GOSR1: variants seen among roughly 807,000 people sequenced by gnomAD.
The protein encoded by GOSR1 is 28 kDa Golgi SNARE protein.
A neutral mutation model predicts 35.5 loss-of-function variants in GOSR1; 21 were observed. That is an observed-to-expected ratio of 0.59 (90% confidence interval 0.42 to 0.85). The LOEUF is 0.85. GOSR1 is among the 40% of genes least tolerant of loss of function. The probability of loss-of-function intolerance (pLI) is 0.00; values close to 1 mark genes in which losing one functional copy is unlikely to be tolerated. For missense variants in GOSR1, 285 were observed against 309.6 expected (o/e 0.92, Z 0.60); for synonymous variants, 94 against 106.6 (o/e 0.88, Z 0.73).
intron 8 of GOSR1, 72 bp downstream of exon 8, chr17:30,520,093 G>A: frequency 1.0e-6 from 1 of 952,380 alleles, no homozygotes. Context: ...TGCTTTTATA[G>A]GGGGCAGGTT....
chr17:30,499,990 T>TA (rs1354870312), intron 6 of GOSR1, among the ~76,000 whole-genome samples: 1 of 152,224 alleles, frequency 6.6e-6, no homozygotes, highest in Non-Finnish European at 1.5e-5. Context: ...TCTTCTTTAG[T>TA]AAGGGGGTCT....
At chr17:30,516,156 T>G (rs1967799580) in intron 7 of GOSR1, among the ~76,000 whole-genome samples, 1 of 151,568 alleles carries the variant, frequency 6.6e-6, no homozygotes, top group South Asian at 2.1e-4. Context: ...TTGTAACAAC[T>G]TAAATAATAC....
intron 7 of GOSR1, among the ~76,000 whole-genome samples, chr17:30,517,448 C>T (rs934950327): frequency 7.2e-5 from 11 of 152,068 alleles, no homozygotes; most frequent in Non-Finnish European, 8.8e-5. Flanking sequence ...CTGCACATTC[C>T]GTAGCTTGCT....
At chr17:30,520,214 C>T (rs1967974963) in intron 8 of GOSR1, 193 bp downstream of exon 8, 1 of 457,404 alleles carries the variant, frequency 2.2e-6, no homozygotes, top group South Asian at 5.8e-5. Context: ...AAAGACTGCA[C>T]CTCAGAAGTT....
chr17:30,505,025 C>G (rs949379085), intron 6 of GOSR1, among the ~76,000 whole-genome samples: 1 of 152,122 alleles, frequency 6.6e-6, no homozygotes, highest in African/African-American at 2.4e-5. Context: ...TAGGCTGATA[C>G]ATTGAGTTTA....
Position 30,522,595 on chromosome 17 carries a change from A to T in GOSR1, c.*217A>T. 2 of 204,394 alleles carry T rather than the reference A, an allele frequency of 9.8e-6. No homozygotes were observed. The highest frequency in any genetic ancestry group is 9.6e-5 in the East Asian group (1 of 10,428). The allele number at this position is 204,394 out of a possible 1,614,324, so 12.7% of individuals were successfully genotyped here. A position where few individuals can be genotyped will look rare whatever the true frequency, so the allele number is the denominator to read the frequency against. ...TAACACATTTTTCTGTTTTTAATTA[A>T]AAAAAAAAAAAAAAGGTTTTCAGTT... is the stretch of plus-strand genomic sequence containing the variant. On this transcript the variant is annotated 3_prime_UTR_variant, in exon 9 of 9. Coordinates refer to ENST00000451249, the MANE Select transcript of GOSR1 (RefSeq NM_001007025.2).
chr17:30,527,353 AATAAATTAATTTTTT>A lies in GOSR1; in HGVS notation c.*4977_*4991del, dbSNP rs1265339942. 3.3e-5 allele frequency: 5 copies of A among 152,176 alleles called. No individual in the cohort carries two copies. The highest frequency in any genetic ancestry group is 2.0e-4 in the Admixed American group (3 of 15,278). 9.4% of individuals were successfully genotyped at this position (152,176 alleles called of 1,614,324 possible). A position where few individuals can be genotyped will look rare whatever the true frequency, so the allele number is the denominator to read the frequency against. ...TGGGTGACAGAGACCCTGTCTCAAA[AATAAATTAATTTTTT>A]AAAAATCGTGTACTGCTGGGCTTTA... On this transcript the variant is annotated 3_prime_UTR_variant, in exon 9 of 9. Coordinates refer to ENST00000451249, the MANE Select transcript of GOSR1 (RefSeq NM_001007025.2).
chr17:30,517,905 A>G (rs911099046), intron 7 of GOSR1, among the ~76,000 whole-genome samples: 3 of 152,188 alleles, frequency 2.0e-5, no homozygotes, highest in South Asian at 4.1e-4. Flanking sequence ...TACCTGGCCA[A>G]AAATGTGTTC....
intron 6 of GOSR1, among the ~76,000 whole-genome samples, chr17:30,509,501 C>A (rs912606065): frequency 1.3e-5 from 2 of 152,178 alleles, no homozygotes; most frequent in African/African-American, 4.8e-5. Flanking sequence ...ACCTTGACTT[C>A]GTAGCATGAA....
chr17:30,490,056 A>C, intron 4 of GOSR1, 70 bp from the exon 5 acceptor site: 1 of 748,552 alleles, frequency 1.3e-6, no homozygotes. Flanking sequence ...TGATGACGAT[A>C]CATAACTGGT....
intron 2 of GOSR1, among the ~76,000 whole-genome samples, chr17:30,481,791 CT>C (rs1466560019): frequency 6.6e-6 from 1 of 151,972 alleles, no homozygotes; most frequent in East Asian, 1.9e-4. Flanking sequence ...ACATTCTTAT[CT>C]TTGAAGCTTA....
At chr17:30,516,076 T>C (rs1967796661) in intron 7 of GOSR1, among the ~76,000 whole-genome samples, 1 of 152,204 alleles carries the variant, frequency 6.6e-6, no homozygotes, top group African/African-American at 2.4e-5. Context: ...AAGTGGAATT[T>C]TTCTAATGTT....
At chr17:30,510,191 A>G (rs1363722931) in intron 6 of GOSR1, among the ~76,000 whole-genome samples, 1 of 152,062 alleles carries the variant, frequency 6.6e-6, no homozygotes, top group Non-Finnish European at 1.5e-5. Flanking sequence ...CTCGTGCCTC[A>G]GCCTGCCGAG....
At chr17:30,488,338 G>A (rs1914809221) in intron 4 of GOSR1, among the ~76,000 whole-genome samples, 1 of 150,896 alleles carries the variant, frequency 6.6e-6, no homozygotes, top group Non-Finnish European at 1.5e-5. Context: ...CTATTTTTTT[G>A]TATTTTTAGT....
chr17:30,519,483 G>C (rs1030360560), intron 7 of GOSR1, among the ~76,000 whole-genome samples: 1 of 152,012 alleles, frequency 6.6e-6, no homozygotes, highest in Admixed American at 6.5e-5. Flanking sequence ...TAAATTAAGG[G>C]CTGGTTGTGT....
intron 4 of GOSR1, among the ~76,000 whole-genome samples, chr17:30,488,553 A>C (rs1489557969): frequency 1.4e-5 from 2 of 137,996 alleles, no homozygotes; most frequent in East Asian, 4.1e-4. Context: ...TTTTTTTTTG[A>C]AACAGAGTCT....
intron 1 of GOSR1, 64 bp from the exon 2 acceptor site, chr17:30,481,079 T>C (rs1914314249): frequency 9.8e-7 from 1 of 1,017,008 alleles, no homozygotes; most frequent in Non-Finnish European, 1.6e-6. Context: ...TTCTTTAGAA[T>C]GGTGCTGTGA....
intron 5 of GOSR1, among the ~76,000 whole-genome samples, chr17:30,490,985 A>G (rs1915006173): frequency 6.6e-6 from 1 of 152,220 alleles, no homozygotes; most frequent in Admixed American, 6.5e-5. Context: ...TTTATAAACT[A>G]TGATACACAT....
In GOSR1 at chr17:30,525,772, G is replaced by T; in HGVS notation, c.*3394G>T. The T allele has an allele frequency of 6.6e-6, 1 of 152,170 alleles. No homozygotes were observed. The allele number at this position is 152,170 out of a possible 1,614,324, so 9.4% of individuals were successfully genotyped here. A position where few individuals can be genotyped will look rare whatever the true frequency, so the allele number is the denominator to read the frequency against. The stretch of plus-strand genomic sequence containing the variant: ...ATGGCTGATGGGCCTTTCCATTAGG[G>T]TTTTGCTTATGTGAAGTAATGGAAT... On this transcript the variant is annotated 3_prime_UTR_variant, in exon 9 of 9. Transcript: ENST00000451249.
Sources: allele counts gnomAD v4.1 joint callset (sites outside exome capture counted in the v4.1 genomes callset), GRCh38; gene constraint gnomAD v4.1.1; transcripts MANE v1.5; gene names NCBI Gene and HGNC (gene_info 2026-07-23, HGNC 2026-07-21).